The following NOL4 variants were observed in gnomAD, a reference collection of about 807,000 sequenced individuals.
The protein encoded by NOL4 is cancer/testis antigen 125.
Under a neutral mutation model 75.9 loss-of-function variants are expected in NOL4, and 17 were observed. The ratio of observed to expected loss-of-function variants is 0.22; its 90% CI spans 0.15 to 0.34. The LOEUF (loss-of-function observed/expected upper bound fraction) is 0.34. NOL4 is among the 10% of genes least tolerant of loss of function. NOL4 has a pLI of 1.00. For synonymous variants in NOL4, 292 were observed against 289.9 expected (o/e 1.01, Z -0.07); for missense variants, 614 against 793.5 (o/e 0.77, Z 2.72).
In NOL4 at chr18:34,217,287, T is replaced by C. The variant is rs184745852; in HGVS notation, c.264+5703A>G. ...CCTTGTATTTCTTTCTTTTTTTTTA[T>C]TTATTTATTTTTTTTGAGATGGAGT... On this transcript the variant is annotated intron_variant, in intron 1 of 10. Coordinates refer to ENST00000261592, the MANE Select transcript of NOL4 (RefSeq NM_003787.5). Among the ~76,000 whole-genome samples, 375 of 152,036 alleles carry C rather than the reference T, an allele frequency of 2.5e-3. 5 individuals are homozygous for C. The highest frequency in any genetic ancestry group is 2.3e-3 in the Non-Finnish European group (155 of 67,988).
intron 5 of NOL4, among the ~76,000 whole-genome samples, chr18:34,038,822 T>C (rs1395520481): frequency 6.6e-6 from 1 of 151,988 alleles, no homozygotes; most frequent in Non-Finnish European, 1.5e-5. Context: ...TTCTAATGTT[T>C]GATAACAGCC....
At position 33,883,438 on chromosome 18, in the gene NOL4, C is replaced by A; in HGVS notation, c.1543-14G>T. The A allele has an allele frequency of 6.3e-7, 1 of 1,591,384 alleles. No homozygotes were observed. Reference sequence around the variant, plus strand: ...AGCAGACTCATCCTGCAAGGACAGACAGCATTCCATTATTTATCACCTCAC... The same window carrying A: ...AGCAGACTCATCCTGCAAGGACAGAAAGCATTCCATTATTTATCACCTCAC... On this transcript the variant is annotated splice_polypyrimidine_tract_variant and intron_variant, in intron 9 of 10. Coordinates refer to ENST00000261592, the MANE Select transcript of NOL4 (RefSeq NM_003787.5).
chr18:33,918,837 T>C lies in NOL4; in HGVS notation c.1542+24228A>G, dbSNP rs561533236. ...CTGACTATTGAACAATAGGAAGTTA[T>C]GAAGACAGTGCTAAATTCAAGAGCA... On this transcript the variant is annotated intron_variant, in intron 9 of 10. Coordinates refer to ENST00000261592, the MANE Select transcript of NOL4 (RefSeq NM_003787.5). Among the ~76,000 whole-genome samples, 34 of 152,272 alleles carry C rather than the reference T, an allele frequency of 2.2e-4. No individual in the cohort carries two copies. The East Asian group carries it at 5.8e-3, about 26-fold the overall frequency.
In NOL4 at chr18:33,911,420, C is replaced by T. The variant is rs145053661; in HGVS notation, c.1543-27996G>A. Among the ~76,000 whole-genome samples the T allele has an allele frequency of 3.7e-3, 570 of 152,052 alleles. 3 individuals are homozygous for T. The highest frequency in any genetic ancestry group is 0.013 in the African/African-American group (529 of 41,488). ...TTGACCCTCTACAATATATTTTTTA[C>T]CTTTCTACTTTATTTTCTATTTTTT... On this transcript the variant is annotated intron_variant, in intron 9 of 10. Transcript: ENST00000261592.
chr18:34,076,830 G>T (rs1157086076), intron 5 of NOL4, among the ~76,000 whole-genome samples: 1 of 152,116 alleles, frequency 6.6e-6, no homozygotes, highest in African/African-American at 2.4e-5. Context: ...CAAAATCGTT[G>T]CTAGTAACAT....
chr18:34,034,472 C>T (rs1452201912), intron 5 of NOL4, among the ~76,000 whole-genome samples: 1 of 152,210 alleles, frequency 6.6e-6, no homozygotes, highest in African/African-American at 2.4e-5. Flanking sequence ...GACACGGTGG[C>T]TCATGCCTGT....
intron 6 of NOL4, among the ~76,000 whole-genome samples, chr18:34,005,439 G>A (rs1485847602): frequency 1.3e-5 from 2 of 151,938 alleles, no homozygotes; most frequent in African/African-American, 4.8e-5. Context: ...CTTCCCTTAT[G>A]GCAACCTGGT....
intron 6 of NOL4, among the ~76,000 whole-genome samples, chr18:33,960,919 C>T (rs992923786): frequency 6.6e-6 from 1 of 151,994 alleles, no homozygotes; most frequent in African/African-American, 2.4e-5. Context: ...AAACCCATTT[C>T]ATTATTTAAC....
chr18:33,928,542 C>T (rs192815627), intron 9 of NOL4, among the ~76,000 whole-genome samples: 7 of 151,962 alleles, frequency 4.6e-5, no homozygotes, highest in Admixed American at 6.6e-5. Flanking sequence ...CCATCCATGA[C>T]GAGGGAAGCC....
At chr18:34,070,531 T>A (rs1224407507) in intron 5 of NOL4, among the ~76,000 whole-genome samples, 1 of 150,230 alleles carries the variant, frequency 6.7e-6, no homozygotes, top group Non-Finnish European at 1.5e-5. Context: ...CATAAACAAC[T>A]TAAGCCAGAA....
intron 5 of NOL4, among the ~76,000 whole-genome samples, chr18:34,054,425 T>G (rs1386355688): frequency 2.0e-5 from 3 of 151,986 alleles, no homozygotes; most frequent in Non-Finnish European, 4.4e-5. Context: ...TATATTTTCT[T>G]GGCAAATTGG....
chr18:33,861,858 A>T (rs1599656151), intron 10 of NOL4, among the ~76,000 whole-genome samples: 1 of 152,268 alleles, frequency 6.6e-6, no homozygotes, highest in African/African-American at 2.4e-5. Context: ...GGTAATTTAT[A>T]GATTCAATGC....
intron 1 of NOL4, among the ~76,000 whole-genome samples, chr18:34,205,950 A>AT (rs1179044407): frequency 3.3e-5 from 5 of 152,110 alleles, no homozygotes; most frequent in Non-Finnish European, 5.9e-5. Flanking sequence ...TTATTAAGAC[A>AT]TTTTATCTTT....
chr18:34,209,939 T>C (rs1169561426), intron 1 of NOL4, among the ~76,000 whole-genome samples: 1 of 152,132 alleles, frequency 6.6e-6, no homozygotes, highest in Non-Finnish European at 1.5e-5. Context: ...ATCAAGACAA[T>C]AGATTATTCT....
At position 34,141,493 on chromosome 18, in the gene NOL4, C is replaced by T. The variant is rs1264279061; in HGVS notation, c.265-11473G>A. Reference sequence around the variant, plus strand: ...ACTGGTACCAAAACAGAGATATAGACCAATGGAACAGAACAGAGCCCTCAT... The same window carrying T: ...ACTGGTACCAAAACAGAGATATAGATCAATGGAACAGAACAGAGCCCTCAT... On this transcript the variant is annotated intron_variant, in intron 1 of 10. Coordinates refer to ENST00000261592, the MANE Select transcript of NOL4 (RefSeq NM_003787.5). 1.6e-4 allele frequency among the ~76,000 whole-genome samples: 25 copies of T among 152,220 alleles called. No individual in the cohort carries two copies. The East Asian group carries it at 1.7e-3, about 11-fold the overall frequency.
chr18:33,996,459 T>C (rs1026150457), intron 6 of NOL4, among the ~76,000 whole-genome samples: 1 of 151,858 alleles, frequency 6.6e-6, no homozygotes, highest in African/African-American at 2.4e-5. Flanking sequence ...GGATTACATA[T>C]GCAGGTTTGT....
intron 10 of NOL4, among the ~76,000 whole-genome samples, chr18:33,882,529 T>C (rs986409191): frequency 1.3e-5 from 2 of 151,560 alleles, no homozygotes; most frequent in Admixed American, 6.6e-5. Context: ...CCAGTTAGAA[T>C]GGCAATCATT....
intron 2 of NOL4, among the ~76,000 whole-genome samples, chr18:34,126,244 T>G (rs1033685864): frequency 6.6e-6 from 1 of 152,108 alleles, no homozygotes; most frequent in African/African-American, 2.4e-5. Flanking sequence ...ATCCACCATA[T>G]AAAGAAAAAG....
intron 6 of NOL4, among the ~76,000 whole-genome samples, chr18:33,998,633 A>G (rs886443638): frequency 6.6e-6 from 1 of 152,142 alleles, no homozygotes; most frequent in African/African-American, 2.4e-5. Context: ...GTGCCCATAG[A>G]TGGTATATTT....
Sources: gnomAD v4.1 joint callset for allele counts (sites outside exome capture counted in the v4.1 genomes callset) on GRCh38, gnomAD v4.1.1 for gene constraint, MANE v1.5 for transcripts, NCBI Gene and HGNC (gene_info 2026-07-23, HGNC 2026-07-21) for gene names.